Variants in WDR62 observed in about 807,000 individuals in gnomAD.
WDR62 encodes WD repeat-containing protein 62.
Under a neutral mutation model 160.6 loss-of-function variants are expected in WDR62, and 112 were observed. That is an observed-to-expected ratio of 0.70 (90% confidence interval 0.60 to 0.82). WDR62 has a LOEUF of 0.82. Among genes scored for constraint, WDR62 ranks in the 40% least tolerant of loss-of-function variants. The probability of loss-of-function intolerance (pLI) is 0.00; values close to 1 mark genes in which losing one functional copy is unlikely to be tolerated. For synonymous variants in WDR62, 792 were observed against 815.1 expected, an observed-to-expected ratio of 0.97 and a Z score of 0.48; for missense variants, 1,819 against 1,983.8, an observed-to-expected ratio of 0.92 and a Z score of 1.58.
chr19:36,064,040 G>T (rs1970802420), intron 3 of WDR62, among the ~76,000 whole-genome samples: 1 of 152,176 alleles, frequency 6.6e-6, no homozygotes. Flanking sequence ...TGCCAAGTTG[G>T]TTCATGAGAG....
chr19:36,091,066 G>A (rs555662139), intron 16 of WDR62, 134 bp from the exon 17 acceptor site: 80 of 741,058 alleles, frequency 1.1e-4, no homozygotes, highest in South Asian at 5.5e-4. Context: ...TTCACGTGTC[G>A]AATGGGAGCG....
chr19:36,065,916 C>A, intron 3 of WDR62, 42 bp from the exon 4 acceptor site: 1 of 1,606,614 alleles, frequency 6.2e-7, no homozygotes, highest in Non-Finnish European at 8.5e-7. Context: ...TGGCTGGCCA[C>A]CCTCAGCGGA....
At chr19:36,076,834 TTC>T (rs1235503326) in intron 9 of WDR62, among the ~76,000 whole-genome samples, 1 of 152,194 alleles carries the variant, frequency 6.6e-6, no homozygotes, top group Non-Finnish European at 1.5e-5. Flanking sequence ...GTTCTCTCTG[TTC>T]TCTCCAATTT....
intron 9 of WDR62, chr19:36,074,080 C>T (rs1971448489): frequency 7.1e-6 from 2 of 280,572 alleles, no homozygotes. Context: ...GGGAGGATCA[C>T]TTGAGTCCAG....
chr19:36,076,967 G>A (rs1401175748), intron 9 of WDR62, among the ~76,000 whole-genome samples: 1 of 151,400 alleles, frequency 6.6e-6, no homozygotes, highest in Non-Finnish European at 1.5e-5. Flanking sequence ...ATATATGTAT[G>A]TGTGTGTGTG....
At chr19:36,073,704 A>C in intron 9 of WDR62, 173 bp downstream of exon 9, 18 of 694,888 alleles carry the variant, frequency 2.6e-5, no homozygotes, top group East Asian at 8.3e-5. Flanking sequence ...TAACAAGCTC[A>C]CATTTGGATG....
chr19:36,098,365 G>T (rs1002341123), intron 21 of WDR62, among the ~76,000 whole-genome samples: 1 of 151,572 alleles, frequency 6.6e-6, no homozygotes, highest in African/African-American at 2.4e-5. Flanking sequence ...AAGAGATCAA[G>T]ATCATCCCGG....
chr19:36,090,215 A>T (rs1352750707), intron 15 of WDR62, among the ~76,000 whole-genome samples: 1 of 152,200 alleles, frequency 6.6e-6, no homozygotes, highest in Non-Finnish European at 1.5e-5. Flanking sequence ...GTTCTTTCTC[A>T]TGCGGTGCCA....
rs778907383 is a variant in WDR62 at position 36,103,296 on chromosome 19, C to G, written c.3515-47C>G. 1.1e-5 allele frequency: 18 copies of G among 1,612,504 alleles called. No homozygotes were observed. The South Asian group carries it at 1.2e-4, about 11-fold the overall frequency. On this transcript the variant is annotated intron_variant, in intron 29 of 31. Coordinates refer to ENST00000401500, the MANE Select transcript of WDR62 (RefSeq NM_001083961.2). ...TAGCTGTGGGGCGTGGGGGCCCTAG[C>G]CATCAGTTCTGTGTGGTGGAGTCAG...
At chr19:36,104,412 A>C (rs1161091098) in intron 30 of WDR62, 106 bp from the exon 31 acceptor site, 32 of 1,439,912 alleles carry the variant, frequency 2.2e-5, no homozygotes, top group Non-Finnish European at 2.8e-5. Context: ...GGGGACCCAG[A>C]GAAGTGTTCC....
At chr19:36,107,202 G>A (rs986288808), downstream of WDR62, among the ~76,000 whole-genome samples, 1 of 152,134 alleles carries the variant, frequency 6.6e-6, no homozygotes, top group Non-Finnish European at 1.5e-5. Flanking sequence ...TATCCTCTGT[G>A]AGCAAGCTTC....
chr19:36,081,301 A>G (rs1050360114), intron 9 of WDR62, 132 bp from the exon 10 acceptor site: 6 of 1,092,412 alleles, frequency 5.5e-6, no homozygotes, highest in Middle Eastern at 2.3e-4. Context: ...TTTCTTGTTT[A>G]TTTTTAGCAT....
At chr19:36,094,198 G>T (rs1027541110) in intron 20 of WDR62, 34 bp downstream of exon 20, 3 of 1,609,642 alleles carry the variant, frequency 1.9e-6, no homozygotes, top group Non-Finnish European at 2.5e-6. Context: ...AACTATGTCA[G>T]TGTAGGGAAT....
chr19:36,070,536 G>C (rs1971241294), intron 7 of WDR62: 2 of 152,240 alleles, frequency 1.3e-5, no homozygotes, highest in African/African-American at 4.8e-5. Context: ...GGAATCAGTT[G>C]CCCATTTGGC....
rs771138943 is a variant in WDR62 at position 36,099,448 on chromosome 19, G to A, written c.2570G>A (p.Ser857Asn). The A allele has an allele frequency of 8.1e-6, 13 of 1,613,716 alleles. No homozygotes were observed. Among genetic ancestry groups the A allele is most frequent in the Middle Eastern group, 1.6e-4 (1 of 6,076 alleles). The part of the protein sequence containing the change: ...ADGLAFHAKR[S>N]YQPHGRWAER... Reference sequence around the variant, plus strand: ...GGCTTGGCCTTCCACGCCAAGCGCAGCTACCAGCCCCACGGCCGCTGGGCA... The same window carrying A: ...GGCTTGGCCTTCCACGCCAAGCGCAACTACCAGCCCCACGGCCGCTGGGCA... Residue 857 changes from serine to asparagine, a missense_variant, in exon 22 of 32, where the codon AGC becomes AAC. By Grantham distance (46) the Ser-to-Asn change is conservative. Around this residue, in one of 3 missense-constraint regions of WDR62, gnomAD observed 934 missense variants for 1,157.2 expected, o/e 0.81. Coordinates refer to ENST00000401500, the MANE Select transcript of WDR62 (RefSeq NM_001083961.2).
intron 19 of WDR62, 104 bp downstream of exon 19, chr19:36,092,915 C>A: frequency 1.3e-6 from 2 of 1,537,926 alleles, no homozygotes; most frequent in South Asian, 1.1e-5. Context: ...CTAGGCCCTG[C>A]CCTTAGCACA....
intron 7 of WDR62, among the ~76,000 whole-genome samples, chr19:36,069,843 C>T (rs565876116): frequency 4.2e-4 from 64 of 152,280 alleles, no homozygotes; most frequent in African/African-American, 1.4e-3. Flanking sequence ...CAAAAAAATA[C>T]GAAAACCAGT....
At chr19:36,101,397 G>A (rs1055066824) in intron 24 of WDR62, 80 bp downstream of exon 24, 2 of 1,250,222 alleles carry the variant, frequency 1.6e-6, no homozygotes, top group Admixed American at 3.9e-5. Flanking sequence ...TGGTGACTTT[G>A]ACCCAGTACT....
intron 8 of WDR62, 86 bp from the exon 9 acceptor site, chr19:36,073,256 C>G: frequency 7.7e-7 from 1 of 1,304,180 alleles, no homozygotes; most frequent in South Asian, 1.2e-5. Flanking sequence ...ATGGCATTGC[C>G]GGGGAGGCAT....
Sources: gnomAD v4.1 joint callset for allele counts (sites outside exome capture counted in the v4.1 genomes callset) on GRCh38, gnomAD v4.1.1 for gene constraint, gnomAD v4.1.1 regional missense constraint, MANE v1.5 for transcripts, NCBI Gene and HGNC (gene_info 2026-07-23, HGNC 2026-07-21) for gene names.